The following IRAK2 variants were observed in gnomAD, a reference collection of about 807,000 sequenced individuals.
IRAK2 encodes the protein interleukin 1 receptor associated kinase 2.
IRAK2 carries 57 observed loss-of-function variants against 72.0 expected under a neutral mutation model. The observed-to-expected ratio is 0.79, with a 90% CI of 0.64 to 0.99. The LOEUF (loss-of-function observed/expected upper bound fraction) is 0.99. Among genes scored for constraint, IRAK2 ranks in the 50% least tolerant of loss-of-function variants. The pLI, the probability that IRAK2 is intolerant of heterozygous loss-of-function variation, is 0.00. For synonymous variants in IRAK2, 293 were observed against 312.7 expected (o/e 0.94, Z 0.67); for missense variants, 790 against 794.4 (o/e 0.99, Z 0.07).
intron 2 of IRAK2, among the ~76,000 whole-genome samples, chr3:10,186,492 A>G (rs1003492919): frequency 4.0e-5 from 6 of 151,530 alleles, no homozygotes; most frequent in South Asian, 2.1e-4. Context: ...TCACCCCCCA[A>G]TTTAATGTGC....
chr3:10,168,569 G>C (rs974135225), intron 1 of IRAK2, among the ~76,000 whole-genome samples: 4 of 152,174 alleles, frequency 2.6e-5, no homozygotes, highest in South Asian at 2.1e-4. Context: ...TCTTACTGTG[G>C]TTTGATTTGC....
At chr3:10,217,322 G>C (rs1212440206) in intron 7 of IRAK2, among the ~76,000 whole-genome samples, 1 of 152,184 alleles carries the variant, frequency 6.6e-6, no homozygotes, top group Non-Finnish European at 1.5e-5. Context: ...AGCTCAAAAA[G>C]ATCTGATTAA....
At chr3:10,167,787 G>T (rs778789370) in intron 1 of IRAK2, among the ~76,000 whole-genome samples, 21 of 152,122 alleles carry the variant, frequency 1.4e-4, no homozygotes, top group Non-Finnish European at 2.6e-4. Flanking sequence ...CAGTTGTTGG[G>T]CATTGGGTTC....
chr3:10,200,192 G>A (rs906660164), intron 2 of IRAK2, among the ~76,000 whole-genome samples, 177 bp from the exon 3 acceptor site: 2 of 152,004 alleles, frequency 1.3e-5, no homozygotes, highest in African/African-American at 2.4e-5. Flanking sequence ...CTGGTCTACC[G>A]CATTTTACAG....
intron 2 of IRAK2, among the ~76,000 whole-genome samples, chr3:10,192,023 AGTGTGTGTGTGTGTGTGTGT>A (rs56802078): frequency 7.4e-6 from 1 of 135,708 alleles, no homozygotes; most frequent in Non-Finnish European, 1.6e-5. Flanking sequence ...TTGAGTTGGG[AGTGTGTGTGTGTGTGTGTGT>A]GTGTGTGTGT....
Position 10,213,255 on chromosome 3 carries a change from G to A in IRAK2, c.577G>A (p.Gly193Arg). 6.2e-7 allele frequency: 1 copy of A among 1,614,166 alleles called. No homozygotes were observed. Among genetic ancestry groups the A allele is most frequent in the Non-Finnish European group, 8.5e-7 (1 of 1,180,028 alleles). ...GCAGGAAAAACTTTTGAGCTTGGCT[G>A]GAGACAGCCTTTTCTGGAGTGAGGC... Reference protein sequence around the residue: ...PKQEKLLSLAGDSLFWSEADV... With the variant: ...PKQEKLLSLARDSLFWSEADV... The change falls in exon 5 of 13, where the codon GGA becomes AGA. Residue 193 changes from glycine to arginine, a missense_variant. By Grantham distance (125) the Gly-to-Arg change is moderately radical. Transcript: ENST00000256458.
chr3:10,235,417 C>T (rs1232362579), intron 11 of IRAK2, among the ~76,000 whole-genome samples: 1 of 152,076 alleles, frequency 6.6e-6, no homozygotes, highest in Non-Finnish European at 1.5e-5. Context: ...CTTGCCTCAG[C>T]CTCCCGAGTA....
intron 4 of IRAK2, 74 bp downstream of exon 4, chr3:10,209,766 C>T: frequency 3.4e-6 from 3 of 893,212 alleles, no homozygotes; most frequent in Non-Finnish European, 4.9e-6. Context: ...AATGCAATTT[C>T]TCTACCCCTT....
At chr3:10,194,465 C>T (rs1697233690) in intron 2 of IRAK2, among the ~76,000 whole-genome samples, 1 of 152,222 alleles carries the variant, frequency 6.6e-6, no homozygotes, top group South Asian at 2.1e-4. Flanking sequence ...GAGCCTTGGC[C>T]TTGGCAGATA....
chr3:10,194,428 T>TAAGAA (rs1697232638), intron 2 of IRAK2, among the ~76,000 whole-genome samples: 1 of 152,180 alleles, frequency 6.6e-6, no homozygotes, highest in South Asian at 2.1e-4. Context: ...CTATCTGTGA[T>TAAGAA]AAGAAGTCCG....
rs1464832467 is a variant in IRAK2 at position 10,242,663 on chromosome 3, C to T, written c.*435C>T. Reference sequence around the variant, plus strand: ...AAGATCTCTGGGTTGTATTTGCTGACAGCCTGCAAGCTTGCATGCTCTGAA... The same window carrying T: ...AAGATCTCTGGGTTGTATTTGCTGATAGCCTGCAAGCTTGCATGCTCTGAA... On this transcript the variant is annotated 3_prime_UTR_variant, in exon 13 of 13. Transcript: ENST00000256458. The T allele has an allele frequency of 6.6e-6, 1 of 152,574 alleles. No homozygotes were observed. The highest frequency in any genetic ancestry group is 1.5e-5 in the Non-Finnish European group (1 of 68,294). 9.5% of individuals were successfully genotyped at this position (152,574 alleles called of 1,614,324 possible).
chr3:10,184,723 GTTTTTTTTTTT>G lies in IRAK2; in HGVS notation c.277+6717_277+6727del, dbSNP rs55839723. On this transcript the variant is annotated intron_variant, in intron 2 of 12. Transcript: ENST00000256458. ...CTGTTTTTTTGTGGAGTTTTTGTGTGTTTTTTTTTTTTTTTTTTTTTTTTGAGACGGAGCCT... is the reference window on the plus strand; with the variant it reads ...CTGTTTTTTTGTGGAGTTTTTGTGTGTTTTTTTTTTTTTGAGACGGAGCCT... Among the ~76,000 whole-genome samples, 10 of 102,020 alleles carry G rather than the reference GTTTTTTTTTTT, an allele frequency of 9.8e-5. No individual in the cohort carries two copies. In the South Asian group the frequency reaches 1.6e-3, roughly 16 times the overall value. 66.9% of individuals were successfully genotyped at this position (102,020 alleles called of 152,430 possible).
intron 4 of IRAK2, 77 bp downstream of exon 4, chr3:10,209,769 T>C: frequency 1.2e-6 from 1 of 862,698 alleles, no homozygotes; most frequent in Non-Finnish European, 1.7e-6. Context: ...GCAATTTCTC[T>C]ACCCCTTGAG....
chr3:10,170,505 CCT>C (rs1696778050), intron 1 of IRAK2, among the ~76,000 whole-genome samples: 2 of 152,176 alleles, frequency 1.3e-5, no homozygotes. Flanking sequence ...CTTTCCTGCC[CCT>C]GTTCCTCTCT....
chr3:10,234,446 C>G lies in IRAK2; in HGVS notation c.1273-13C>G. ...CAGCTCACGCAAGGGCGTTTCTACC[C>G]TTCTTCCCACAGAAGGACTTACTCC... On this transcript the variant is annotated splice_polypyrimidine_tract_variant and intron_variant, in intron 10 of 12. Transcript: ENST00000256458. 6.2e-7 allele frequency: 1 copy of G among 1,612,786 alleles called. No individual in the cohort carries two copies. The highest frequency in any genetic ancestry group is 1.1e-5 in the South Asian group (1 of 91,028).
intron 2 of IRAK2, among the ~76,000 whole-genome samples, chr3:10,180,883 C>A (rs1358250993): frequency 1.3e-5 from 2 of 152,012 alleles, no homozygotes; most frequent in African/African-American, 2.4e-5. Flanking sequence ...GCCAGTGGGG[C>A]AGCGAGAACA....
Position 10,164,938 on chromosome 3 carries a change from CG to C in IRAK2, c.-15del. The C allele has an allele frequency of 3.8e-6, 6 of 1,590,998 alleles. No homozygotes were observed. Among genetic ancestry groups the C allele is most frequent in the Non-Finnish European group, 5.1e-6 (6 of 1,168,214 alleles). On this transcript the variant is annotated 5_prime_UTR_variant, in exon 1 of 13. Transcript: ENST00000256458. ...CGACCCAGTCGTCCCGCGCCGGAGC[CG>C]GCCCCGTAGCGTGCCATGGCCTGCT...
chr3:10,165,273 A>G (rs7634862), intron 1 of IRAK2, among the ~76,000 whole-genome samples: 7,191 of 152,144 alleles, frequency 0.047, 559 homozygotes, highest in African/African-American at 0.16. Flanking sequence ...GGCCGCCGCC[A>G]CTGCGCTCTG....
intron 2 of IRAK2, among the ~76,000 whole-genome samples, chr3:10,193,106 A>G (rs1449492835): frequency 6.6e-6 from 1 of 152,186 alleles, no homozygotes; most frequent in African/African-American, 2.4e-5. Context: ...CCGTGGCATC[A>G]GTGATTCATG....
Sources: gnomAD v4.1 joint callset for allele counts (sites outside exome capture counted in the v4.1 genomes callset) on GRCh38, gnomAD v4.1.1 for gene constraint, MANE v1.5 for transcripts, NCBI Gene and HGNC (gene_info 2026-07-23, HGNC 2026-07-21) for gene names.